TOX: variants seen among roughly 807,000 people sequenced by gnomAD.
TOX encodes the protein thymocyte selection associated high mobility group box.
Under a neutral mutation model 53.7 loss-of-function variants are expected in TOX, and 11 were observed. The observed-to-expected ratio is 0.20, with a 90% CI of 0.13 to 0.34. TOX has a LOEUF of 0.34. TOX is among the 10% of genes least tolerant of loss of function. The pLI, the probability that TOX is intolerant of heterozygous loss-of-function variation, is 1.00. For missense variants in TOX, 570 were observed against 664.6 expected (o/e 0.86, Z 1.56); for synonymous variants, 225 against 245.3 (o/e 0.92, Z 0.77).
Position 58,855,857 on chromosome 8 carries a change from C to T in TOX, c.412-4052G>A, listed in dbSNP as rs117636372. On this transcript the variant is annotated intron_variant, in intron 3 of 8. Coordinates refer to ENST00000361421, the MANE Select transcript of TOX (RefSeq NM_014729.3). ...TCCCTTAATCATGCGTCTTTGTTTA[C>T]GCTGCTCTGTCATTATTCAATTACC... is the stretch of plus-strand genomic sequence containing the variant. 4.1e-3 allele frequency among the ~76,000 whole-genome samples: 630 copies of T among 152,272 alleles called. 1 individual carries two copies. Among genetic ancestry groups the T allele is most frequent in the Non-Finnish European group, 6.3e-3 (427 of 68,024 alleles).
At chr8:58,894,064 C>T (rs929577252) in intron 3 of TOX, among the ~76,000 whole-genome samples, 5 of 152,186 alleles carry the variant, frequency 3.3e-5, no homozygotes, top group East Asian at 1.9e-4. Context: ...AAACTTGATT[C>T]CCAAGAATGC....
At chr8:58,958,914 A>G (rs1283061217) in intron 2 of TOX, among the ~76,000 whole-genome samples, 2 of 152,228 alleles carry the variant, frequency 1.3e-5, no homozygotes, top group African/African-American at 2.4e-5. Context: ...CTTAACATAT[A>G]CATTAGATTT....
At chr8:59,054,110 G>T (rs957773998) in intron 1 of TOX, among the ~76,000 whole-genome samples, 2 of 152,092 alleles carry the variant, frequency 1.3e-5, no homozygotes, top group South Asian at 2.1e-4. Flanking sequence ...AGAATGAATG[G>T]CCAAAAAGAT....
At chr8:58,837,498 C>T (rs753619386) in intron 5 of TOX, among the ~76,000 whole-genome samples, 194 of 152,240 alleles carry the variant, frequency 1.3e-3, no homozygotes, top group Admixed American at 3.3e-3. Flanking sequence ...GTGGCCTTCC[C>T]TGAGCATGGT....
chr8:58,931,358 A>C (rs1812250724), intron 3 of TOX, among the ~76,000 whole-genome samples: 1 of 152,198 alleles, frequency 6.6e-6, no homozygotes, highest in African/African-American at 2.4e-5. Context: ...ATTTGATTTA[A>C]AAGTTGAAAA....
chr8:58,841,007 G>A (rs1386272298), intron 4 of TOX, among the ~76,000 whole-genome samples: 5 of 152,162 alleles, frequency 3.3e-5, no homozygotes, highest in African/African-American at 4.8e-5. Flanking sequence ...AATTGGTAGC[G>A]ATTCCTGATT....
At chr8:59,058,619 T>G (rs1363507983) in intron 1 of TOX, among the ~76,000 whole-genome samples, 1 of 152,194 alleles carries the variant, frequency 6.6e-6, no homozygotes, top group Non-Finnish European at 1.5e-5. Flanking sequence ...GACTCCTAAG[T>G]GCGAGCCCTG....
intron 1 of TOX, among the ~76,000 whole-genome samples, chr8:59,030,592 T>G (rs1814336186): frequency 6.6e-6 from 1 of 152,216 alleles, no homozygotes; most frequent in Non-Finnish European, 1.5e-5. Context: ...GTGTTCCATC[T>G]GCTTCCAGGC....
chr8:58,963,442 C>T (rs1309303536), intron 1 of TOX, among the ~76,000 whole-genome samples: 3 of 152,146 alleles, frequency 2.0e-5, no homozygotes, highest in Admixed American at 2.0e-4. Flanking sequence ...TTAAAAATTA[C>T]TATCAGGATA....
At chr8:59,059,318 T>C (rs1803938272) in intron 1 of TOX, among the ~76,000 whole-genome samples, 3 of 152,206 alleles carry the variant, frequency 2.0e-5, no homozygotes, top group African/African-American at 7.2e-5. Flanking sequence ...ACCTTGGATG[T>C]TCTTCTAAAG....
chr8:58,961,463 G>C (rs1812794902), intron 1 of TOX, among the ~76,000 whole-genome samples: 1 of 152,020 alleles, frequency 6.6e-6, no homozygotes, highest in African/African-American at 2.4e-5. Context: ...TGGTTGCTCT[G>C]TCAACTGGCT....
chr8:58,854,260 T>C (rs1209130767), intron 3 of TOX, among the ~76,000 whole-genome samples: 1 of 152,244 alleles, frequency 6.6e-6, no homozygotes, highest in East Asian at 1.9e-4. Context: ...GTCTGTAACA[T>C]GTCTGTATTG....
At chr8:58,821,881 A>G (rs541909267) in intron 6 of TOX, among the ~76,000 whole-genome samples, 4 of 152,316 alleles carry the variant, frequency 2.6e-5, no homozygotes, top group Non-Finnish European at 4.4e-5. Context: ...GAAGATATGC[A>G]GTTAGGAAGT....
chr8:58,847,952 C>T (rs776192518), intron 4 of TOX, among the ~76,000 whole-genome samples: 1 of 151,840 alleles, frequency 6.6e-6, no homozygotes, highest in Non-Finnish European at 1.5e-5. Context: ...CATGAAAGAA[C>T]ATTTTAAAGG....
intron 2 of TOX, among the ~76,000 whole-genome samples, chr8:58,945,952 A>G (rs1030851548): frequency 5.3e-5 from 8 of 152,194 alleles, no homozygotes; most frequent in African/African-American, 1.9e-4. Flanking sequence ...ATAACTCAGA[A>G]GAATTCAAAA....
chr8:58,841,908 G>C (rs1810650978), intron 4 of TOX, among the ~76,000 whole-genome samples: 1 of 152,076 alleles, frequency 6.6e-6, no homozygotes, highest in Non-Finnish European at 1.5e-5. Flanking sequence ...ATATTACCTA[G>C]ACTCATTTTA....
rs1023797578 is a variant in TOX at position 58,838,149 on chromosome 8, C to T, written c.856G>A (p.Ala286Thr). Reference protein sequence around the residue: ...QAAIKGQNPNATFGEVSKIVA... With the variant: ...QAAIKGQNPNTTFGEVSKIVA... ...ATTTTAGAGACTTCGCCAAAGGTAG[C>T]GTTTGGATTTTGGCCCTTGATGGCG... is the stretch of plus-strand genomic sequence containing the variant. The change falls in exon 5 of 9, where the codon GCT (alanine) becomes ACT (threonine). Residue 286 changes from alanine (A) to threonine (T), a missense_variant. Transcript: ENST00000361421. 1.2e-6 allele frequency: 2 copies of T among 1,614,156 alleles called. No homozygotes were observed. Among genetic ancestry groups the T allele is most frequent in the Non-Finnish European group, 1.7e-6 (2 of 1,180,010 alleles).
At chr8:59,044,549 G>A (rs1328512595) in intron 1 of TOX, among the ~76,000 whole-genome samples, 1 of 152,114 alleles carries the variant, frequency 6.6e-6, no homozygotes, top group Non-Finnish European at 1.5e-5. Context: ...ATTTCAGAGA[G>A]TTTTCTGTAA....
At chr8:58,905,538 C>CTT in intron 3 of TOX, among the ~76,000 whole-genome samples, 1 of 152,204 alleles carries the variant, frequency 6.6e-6, no homozygotes, top group Admixed American at 6.5e-5. Context: ...TACCAGTAAA[C>CTT]TGTCTCCTTG....
Sources: allele counts gnomAD v4.1 joint callset (sites outside exome capture counted in the v4.1 genomes callset), GRCh38; gene constraint gnomAD v4.1.1; transcripts MANE v1.5; gene names NCBI Gene and HGNC (gene_info 2026-07-23, HGNC 2026-07-21).